Variants in PIP4P1 observed in about 807,000 individuals in gnomAD.
The protein encoded by PIP4P1 is phosphatidylinositol-4,5-bisphosphate 4-phosphatase 1.
In PIP4P1, 14 loss-of-function variants were observed where a neutral mutation model predicts 32.3. The observed-to-expected ratio is 0.43, with a 90% CI of 0.29 to 0.68. PIP4P1 has a LOEUF of 0.68. Ranked by LOEUF, PIP4P1 falls within the 30% of genes least tolerant of loss-of-function variation. PIP4P1 has a pLI of 0.15. For missense variants in PIP4P1, 289 were observed against 364.5 expected (o/e 0.79, Z 1.69); for synonymous variants, 132 against 137.9 (o/e 0.96, Z 0.30).
Position 20,461,306 on chromosome 14 carries a change from C to T in PIP4P1, c.20G>A (p.Arg7His). The change falls in exon 1 of 7, where the codon CGT becomes CAT. Residue 7 changes from arginine (R) to histidine (H), a missense_variant. Arg to His is a conservative substitution (Grantham distance 29). This residue lies in a region of PIP4P1 where 108 missense variants were observed against 101.2 expected (regional missense o/e 1.07). Coordinates refer to ENST00000250489, the MANE Select transcript of PIP4P1 (RefSeq NM_144568.4). The stretch of plus-strand genomic sequence containing the variant: ...GATGGGCTCAGACAGCAGCGGGGAA[C>T]GCTCTCCATCTGCCGCCATGGCCGC... MAADGE[R>H]SPLLSEPIDG... is the part of the protein sequence containing the mutation. The T allele has an allele frequency of 3.9e-6, 5 of 1,290,200 alleles. No individual in the cohort carries two copies. The highest frequency in any genetic ancestry group is 4.9e-6 in the Non-Finnish European group (5 of 1,018,116). The allele number at this position is 1,290,200 out of a possible 1,614,324, so 79.9% of individuals were successfully genotyped here. A position where few individuals can be genotyped will look rare whatever the true frequency, so the allele number is the denominator to read the frequency against.
chr14:20,461,276 C>G lies in PIP4P1; in HGVS notation c.50G>C (p.Gly17Ala), dbSNP rs1308457468. ...RSPLLSEPID[G>A]GAGGNGLVGP... Reference sequence around the variant, plus strand: ...CACTAAACCGTTGCCGCCCGCGCCACCGTCGATGGGCTCAGACAGCAGCGG... The same window carrying G: ...CACTAAACCGTTGCCGCCCGCGCCAGCGTCGATGGGCTCAGACAGCAGCGG... The change falls in exon 1 of 7, where the codon GGT becomes GCT. Residue 17 changes from glycine (G) to alanine (A), a missense_variant. Gly to Ala is a moderately conservative substitution (Grantham distance 60). Transcript: ENST00000250489. The G allele has an allele frequency of 7.8e-7, 1 of 1,287,026 alleles. No homozygotes were observed. The highest frequency in any genetic ancestry group is 9.9e-7 in the Non-Finnish European group (1 of 1,014,192). The allele number at this position is 1,287,026 out of a possible 1,614,324, so 79.7% of individuals were successfully genotyped here.
intron 3 of PIP4P1, 145 bp from the exon 4 acceptor site, chr14:20,459,878 C>T (rs1008806635): frequency 1.5e-6 from 1 of 658,742 alleles, no homozygotes; most frequent in African/African-American, 1.8e-5. Context: ...ACTCTGTCCC[C>T]CAACTGTATA....
chr14:20,458,490 C>A lies in PIP4P1; in HGVS notation c.*69G>T, dbSNP rs899852716. 6.2e-7 allele frequency: 1 copy of A among 1,602,000 alleles called. No homozygotes were observed. The highest frequency in any genetic ancestry group is 1.1e-5 in the South Asian group (1 of 89,916). ...AGAAGCCCCGGGAGCCTTTAACTAC[C>A]CCAGCTCCCTTCGTAGTGTCACTGT... On this transcript the variant is annotated 3_prime_UTR_variant, in exon 7 of 7. Coordinates refer to ENST00000250489, the MANE Select transcript of PIP4P1 (RefSeq NM_144568.4).
At chr14:20,461,099 G>A (rs918261267) in intron 1 of PIP4P1, 85 bp downstream of exon 1, 4 of 1,271,790 alleles carry the variant, frequency 3.1e-6, no homozygotes, top group African/African-American at 1.6e-5. Flanking sequence ...CTCCGCCCTC[G>A]GTCCCGCCCC....
intron 3 of PIP4P1, 67 bp downstream of exon 3, chr14:20,460,125 T>C (rs1225228323): frequency 8.4e-7 from 1 of 1,187,874 alleles, no homozygotes; most frequent in Non-Finnish European, 1.3e-6. Flanking sequence ...ACATTCTCTG[T>C]ATACGCTCAT....
At position 20,458,596 on chromosome 14, in the gene PIP4P1, C is replaced by T; in HGVS notation, c.797G>A (p.Cys266Tyr). 1 of 1,614,144 alleles carries T rather than the reference C, an allele frequency of 6.2e-7. No homozygotes were observed. Among genetic ancestry groups the T allele is most frequent in the Non-Finnish European group, 8.5e-7 (1 of 1,180,014 alleles). Residue 266 changes from cysteine to tyrosine, a missense_variant, in exon 7 of 7, where the codon TGT becomes TAT. Transcript: ENST00000250489. ...CTGGACAGGGTGGCTGACCTTCATA[C>T]AGGCCCAATAAAGAGCCCGGCCCAA... ...LCLGRALYWACMKVSHPVQNF... is the reference protein window; with the variant it reads ...LCLGRALYWAYMKVSHPVQNF...
chr14:20,460,204 G>A lies in PIP4P1; in HGVS notation c.428C>T (p.Pro143Leu). The A allele has an allele frequency of 6.2e-7, 1 of 1,613,886 alleles. No homozygotes were observed. Among genetic ancestry groups the A allele is most frequent in the Non-Finnish European group, 8.5e-7 (1 of 1,179,778 alleles). Residue 143 changes from proline to leucine, a missense_variant, in exon 3 of 7, where the codon CCT (proline) becomes CTT (leucine). By Grantham distance (98) the Pro-to-Leu change is moderately conservative (BLOSUM62 -3). Around this residue, in one of 2 missense-constraint regions of PIP4P1, gnomAD observed 181 missense variants for 263.3 expected, o/e 0.69. Transcript: ENST00000250489. Reference sequence around the variant, plus strand: ...TTATGCCTCTTACCAGTAGGGCCGAGGGCATGCAATCCGTTGGGATGTCAC... The same window carrying A: ...TTATGCCTCTTACCAGTAGGGCCGAAGGCATGCAATCCGTTGGGATGTCAC... ...CKVTSQRIAC[P>L]RPYCKRIINL...
At position 20,458,424 on chromosome 14, in the gene PIP4P1, T is replaced by C; in HGVS notation, c.*135A>G. 2 of 1,304,168 alleles carry C rather than the reference T, an allele frequency of 1.5e-6. No homozygotes were observed. The highest frequency in any genetic ancestry group is 2.2e-6 in the Non-Finnish European group (2 of 929,624). 80.8% of individuals were successfully genotyped at this position (1,304,168 alleles called of 1,614,324 possible). A position where few individuals can be genotyped will look rare whatever the true frequency, so the allele number is the denominator to read the frequency against. On this transcript the variant is annotated 3_prime_UTR_variant, in exon 7 of 7. Transcript: ENST00000250489. ...AGTGAGGGCCTGGTTCCTTCCTACC[T>C]CTCCCCAGGGAAAAGGAAGGCAGCT...
At position 20,458,084 on chromosome 14, in the gene PIP4P1, C is replaced by T. The variant is rs45521736; in HGVS notation, c.*475G>A. ...ACAGAGCAGCGGCTGACCCCACCCC[C>T]ACAGGACACAATGTGGGGAGAGGAG... On this transcript the variant is annotated 3_prime_UTR_variant, in exon 7 of 7. Transcript: ENST00000250489. 5 of 357,088 alleles carry T rather than the reference C, an allele frequency of 1.4e-5. No homozygotes were observed. The highest frequency in any genetic ancestry group is 7.3e-5 in the East Asian group (1 of 13,640). 22.1% of individuals were successfully genotyped at this position (357,088 alleles called of 1,614,324 possible).
In PIP4P1 at chr14:20,460,699, T is replaced by C; in HGVS notation, c.289A>G (p.Met97Val). Reference sequence around the variant, plus strand: ...CCACATTTGACTACATGCTGATGCATCTTGCCTTCCACGTTGATGAGAGAT... The same window carrying C: ...CCACATTTGACTACATGCTGATGCACCTTGCCTTCCACGTTGATGAGAGAT... ...CQSLINVEGK[M>V]HQHVVKCGVC... Residue 97 changes from methionine (M) to valine (V), a missense_variant, in exon 2 of 7, where the codon ATG (methionine) becomes GTG (valine). By Grantham distance (21) the Met-to-Val change is conservative. Transcript: ENST00000250489. 6.2e-7 allele frequency: 1 copy of C among 1,614,058 alleles called. No homozygotes were observed. Among genetic ancestry groups the C allele is most frequent in the Non-Finnish European group, 8.5e-7 (1 of 1,179,988 alleles).
intron 1 of PIP4P1, 33 bp downstream of exon 1, chr14:20,461,151 G>A (rs749699315): frequency 2.5e-5 from 32 of 1,261,772 alleles, no homozygotes; most frequent in Non-Finnish European, 1.0e-6. Flanking sequence ...CCTCGGACCC[G>A]CCCCGGCTTA....
At chr14:20,458,808 T>TTCC in intron 6 of PIP4P1, 106 bp from the exon 7 acceptor site, 1 of 1,422,418 alleles carries the variant, frequency 7.0e-7, no homozygotes, top group East Asian at 2.3e-5. Flanking sequence ...TCAGTCCTTG[T>TTCC]TCCTTATCCA....
Position 20,459,689 on chromosome 14 carries a change from C to G in PIP4P1, c.485G>C (p.Ser162Thr), listed in dbSNP as rs749998815. The change falls in exon 4 of 7, where the codon AGT (serine) becomes ACT (threonine). Residue 162 changes from serine to threonine, a missense_variant. Coordinates refer to ENST00000250489, the MANE Select transcript of PIP4P1 (RefSeq NM_144568.4). Reference protein sequence around the residue: ...NLGPVHPGPLSPEPQPMGVRV... With the variant: ...NLGPVHPGPLTPEPQPMGVRV... ...GACACCCATGGGTTGGGGTTCTGGA[C>G]TCAGAGGTCCGGGATGCACAGGCCC... 1 of 1,614,144 alleles carries G rather than the reference C, an allele frequency of 6.2e-7. No homozygotes were observed. Among genetic ancestry groups the G allele is most frequent in the Non-Finnish European group, 8.5e-7 (1 of 1,180,036 alleles).
intron 2 of PIP4P1, 104 bp downstream of exon 2, chr14:20,460,551 A>T (rs1163186085): frequency 7.8e-7 from 1 of 1,275,080 alleles, no homozygotes; most frequent in Non-Finnish European, 1.1e-6. Context: ...CCTGGGTATC[A>T]TCAAAAGCAC....
At chr14:20,458,947 T>C in intron 6 of PIP4P1, 4 of 628,474 alleles carry the variant, frequency 6.4e-6, no homozygotes, top group South Asian at 2.1e-5. Flanking sequence ...GAGCCAGGTT[T>C]GAAAAATAGC....
At chr14:20,458,853 G>C (rs868482542) in intron 6 of PIP4P1, 151 bp from the exon 7 acceptor site, 6 of 926,802 alleles carry the variant, frequency 6.5e-6, no homozygotes, top group Non-Finnish European at 9.5e-6. Context: ...CTTAAAGGCA[G>C]AGCTGATCAG....
In PIP4P1 at chr14:20,458,139, C is replaced by T. The variant is rs903703459; in HGVS notation, c.*420G>A. On this transcript the variant is annotated 3_prime_UTR_variant, in exon 7 of 7. Transcript: ENST00000250489. ...AGGGTACTGAGGCCAGAGCCAACCT[C>T]TGGTGAAGTGCAATAGCAGCAGCAA... 2 of 373,262 alleles carry T rather than the reference C, an allele frequency of 5.4e-6. No individual in the cohort carries two copies. Among genetic ancestry groups the T allele is most frequent in the Non-Finnish European group, 1.1e-5 (2 of 189,884 alleles). The allele number at this position is 373,262 out of a possible 1,614,324, so 23.1% of individuals were successfully genotyped here.
rs1373147914 is a variant in PIP4P1, at chr14:20,459,597, TC to T, written c.546+30del. ...ACTCGAAATGACTCTTAGTCTCCTTTCCCCTCCCCTTCCCAATACCCCTTCC... is the reference window on the plus strand; with the variant it reads ...ACTCGAAATGACTCTTAGTCTCCTTTCCCTCCCCTTCCCAATACCCCTTCC... On this transcript the variant is annotated intron_variant, in intron 4 of 6. Coordinates refer to ENST00000250489, the MANE Select transcript of PIP4P1 (RefSeq NM_144568.4). 4.4e-6 allele frequency: 7 copies of T among 1,597,330 alleles called. No individual in the cohort carries two copies. The South Asian group carries it at 7.7e-5, about 18-fold the overall frequency.
chr14:20,458,515 TCCCCA>T lies in PIP4P1; in HGVS notation c.*39_*43del. On this transcript the variant is annotated 3_prime_UTR_variant, in exon 7 of 7. Transcript: ENST00000250489. ...CCCAGCTCCCTTCGTAGTGTCACTG[TCCCCA>T]CCAGGGAGGGGCCAGGCACAGTCTG... 6.2e-7 allele frequency: 1 copy of T among 1,606,504 alleles called. No individual in the cohort carries two copies. The highest frequency in any genetic ancestry group is 8.5e-7 in the Non-Finnish European group (1 of 1,175,788).
Sources: allele counts gnomAD v4.1 joint callset, GRCh38; gene constraint gnomAD v4.1.1; regional missense constraint gnomAD v4.1.1; transcripts MANE v1.5; gene names NCBI Gene and HGNC (gene_info 2026-07-23, HGNC 2026-07-21).